The following ADAMTS19 variants were observed in gnomAD, a reference collection of about 807,000 sequenced individuals.
ADAMTS19 encodes the protein ADAM metallopeptidase with thrombospondin type 1 motif 19, also known as A disintegrin and metalloproteinase with thrombospondin motifs 19.
ADAMTS19 carries 93 observed loss-of-function variants against 153.3 expected under a neutral mutation model. The observed-to-expected ratio is 0.61, with a 90% CI of 0.51 to 0.72. The LOEUF is 0.72. Ranked by LOEUF, ADAMTS19 falls within the 30% of genes least tolerant of loss-of-function variation. ADAMTS19 has a pLI of 0.00. For synonymous variants in ADAMTS19, 600 were observed against 556.6 expected, an observed-to-expected ratio of 1.08 and a Z score of -1.10; for missense variants, 1,482 against 1,552.1, an observed-to-expected ratio of 0.95 and a Z score of 0.76.
At chr5:129,656,037 A>G (rs1291556009) in intron 14 of ADAMTS19, among the ~76,000 whole-genome samples, 2 of 152,190 alleles carry the variant, frequency 1.3e-5, no homozygotes, top group Non-Finnish European at 2.9e-5. Context: ...AGATTATTGT[A>G]TGTCTTAAAT....
chr5:129,660,198 T>C (rs914820729), intron 15 of ADAMTS19, among the ~76,000 whole-genome samples: 68 of 152,098 alleles, frequency 4.5e-4, no homozygotes, highest in African/African-American at 1.5e-3. Context: ...CTATGGTAAA[T>C]TGCAGATCAA....
At chr5:129,689,611 G>GACTGTATTTTGTAATTTT (rs1278426789) in intron 18 of ADAMTS19, among the ~76,000 whole-genome samples, 2 of 151,976 alleles carry the variant, frequency 1.3e-5, no homozygotes, top group East Asian at 3.9e-4. Flanking sequence ...ATTTTTAGTA[G>GACTGTATTTTGTAATTTT]AGACTGGGTT....
intron 3 of ADAMTS19, among the ~76,000 whole-genome samples, chr5:129,515,283 G>T (rs1751561738): frequency 6.6e-6 from 1 of 151,696 alleles, no homozygotes; most frequent in South Asian, 2.1e-4. Context: ...GTCTTTTAGT[G>T]ATTCCATATA....
intron 2 of ADAMTS19, among the ~76,000 whole-genome samples, chr5:129,483,700 C>T (rs1379826456): frequency 1.3e-5 from 2 of 152,254 alleles, no homozygotes; most frequent in East Asian, 3.9e-4. Flanking sequence ...ATATGGATTA[C>T]ATTATGGGTA....
intron 10 of ADAMTS19, among the ~76,000 whole-genome samples, chr5:129,624,515 GTCAC>G (rs1751936068): frequency 6.6e-6 from 1 of 152,152 alleles, no homozygotes; most frequent in Non-Finnish European, 1.5e-5. Context: ...TGTGGTCACT[GTCAC>G]TGGAGCATTG....
At chr5:129,682,936 T>G (rs1188817857) in intron 17 of ADAMTS19, among the ~76,000 whole-genome samples, 3 of 152,214 alleles carry the variant, frequency 2.0e-5, no homozygotes, top group South Asian at 2.1e-4. Context: ...TTCAGACACT[T>G]AAACCTAGGC....
At chr5:129,714,716 G>A (rs575064053) in intron 21 of ADAMTS19, among the ~76,000 whole-genome samples, 1 of 152,156 alleles carries the variant, frequency 6.6e-6, no homozygotes, top group South Asian at 2.1e-4. Flanking sequence ...CAACTTGATA[G>A]GTGGAAAAAA....
At chr5:129,549,230 T>A (rs1752977905) in intron 6 of ADAMTS19, among the ~76,000 whole-genome samples, 1 of 150,624 alleles carries the variant, frequency 6.6e-6, no homozygotes, top group Admixed American at 6.6e-5. Flanking sequence ...TATAACTTGG[T>A]AAATAGAAAT....
chr5:129,543,223 G>A (rs913092912), intron 6 of ADAMTS19, among the ~76,000 whole-genome samples: 3 of 151,606 alleles, frequency 2.0e-5, no homozygotes, highest in African/African-American at 7.3e-5. Context: ...CTAATTTTTT[G>A]TATTTTTTTT....
rs1209041581 is a variant in ADAMTS19, at chr5:129,737,172, A to G, written c.3596A>G (p.Glu1199Gly). The G allele has an allele frequency of 1.9e-6, 3 of 1,610,108 alleles. No individual in the cohort carries two copies. In the Admixed American group the frequency reaches 5.0e-5, roughly 27 times the overall value. Residue 1199 changes from glutamate to glycine, a missense_variant, in exon 23 of 23, where the codon GAA becomes GGA. Physicochemically the swap from Glu to Gly is moderately conservative, Grantham distance 98. This residue lies in a region of ADAMTS19 where 616 missense variants were observed against 724.4 expected (regional missense o/e 0.85). Transcript: ENST00000274487. ...ATGCGGTGGTATCAGCGCTGCTGTG[A>G]AACATGCAGGGACTTCTATGCCCAA... ...QDMRWYQRCCETCRDFYAQKL... is the reference protein window; with the variant it reads ...QDMRWYQRCCGTCRDFYAQKL...
chr5:129,728,506 G>A (rs1167643533), intron 21 of ADAMTS19, among the ~76,000 whole-genome samples: 3 of 152,012 alleles, frequency 2.0e-5, no homozygotes, highest in Non-Finnish European at 4.4e-5. Flanking sequence ...TCACTTTAAG[G>A]ACTCACCCTG....
At chr5:129,708,652 T>C (rs1049273325) in intron 21 of ADAMTS19, among the ~76,000 whole-genome samples, 10 of 151,120 alleles carry the variant, frequency 6.6e-5, no homozygotes, top group African/African-American at 7.3e-5. Context: ...AGGATCTGAT[T>C]ATTTATGAAG....
chr5:129,528,352 T>G (rs1237500242), intron 5 of ADAMTS19, among the ~76,000 whole-genome samples, 168 bp from the exon 6 acceptor site: 1 of 152,022 alleles, frequency 6.6e-6, no homozygotes, highest in Admixed American at 6.6e-5. Context: ...GTTTTAAGCT[T>G]TTAAGCTCAG....
intron 6 of ADAMTS19, among the ~76,000 whole-genome samples, chr5:129,539,715 A>G (rs775153019): frequency 1.3e-5 from 2 of 152,152 alleles, no homozygotes; most frequent in Non-Finnish European, 2.9e-5. Flanking sequence ...ATATGTTTAT[A>G]TATGGTTGTA....
Position 129,684,144 on chromosome 5 carries a change from T to C in ADAMTS19, c.2689T>C (p.Tyr897His). Residue 897 changes from tyrosine to histidine, a missense_variant, in exon 18 of 23, where the codon TAT (tyrosine) becomes CAT (histidine). Physicochemically the swap from Tyr to His is moderately conservative, Grantham distance 83. Coordinates refer to ENST00000274487, the MANE Select transcript of ADAMTS19 (RefSeq NM_133638.6). ...GGTGCTCCTGTTTCAGGATCAGAAT[T>C]ATGGTCTTCACTATGAATACACTAT... ...LLVLLFQDQN[Y>H]GLHYEYTIPS... The C allele has an allele frequency of 1.2e-6, 2 of 1,614,060 alleles. No homozygotes were observed. The highest frequency in any genetic ancestry group is 1.7e-6 in the Non-Finnish European group (2 of 1,179,986).
chr5:129,507,340 C>A (rs1395227863), intron 2 of ADAMTS19, among the ~76,000 whole-genome samples: 3 of 151,966 alleles, frequency 2.0e-5, no homozygotes, highest in Non-Finnish European at 2.9e-5. Context: ...ACCACCTATT[C>A]TCAATTTATG....
At chr5:129,612,963 G>C (rs192790255) in intron 8 of ADAMTS19, among the ~76,000 whole-genome samples, 49 of 152,218 alleles carry the variant, frequency 3.2e-4, no homozygotes, top group African/African-American at 1.2e-3. Context: ...ATGGTAAAGG[G>C]ATCAATTGAA....
intron 2 of ADAMTS19, among the ~76,000 whole-genome samples, chr5:129,496,526 G>C (rs1285246460): frequency 1.3e-5 from 2 of 152,000 alleles, no homozygotes; most frequent in African/African-American, 4.8e-5. Flanking sequence ...TTGTTTCCAT[G>C]GTAAAATGAA....
chr5:129,713,312 G>A (rs1756565308), intron 21 of ADAMTS19, among the ~76,000 whole-genome samples: 1 of 152,070 alleles, frequency 6.6e-6, no homozygotes, highest in Non-Finnish European at 1.5e-5. Flanking sequence ...ACTTAGATAT[G>A]GTGAAATATG....
Sources: allele counts gnomAD v4.1 joint callset (sites outside exome capture counted in the v4.1 genomes callset), GRCh38; gene constraint gnomAD v4.1.1; regional missense constraint gnomAD v4.1.1; transcripts MANE v1.5; gene names NCBI Gene and HGNC (gene_info 2026-07-23, HGNC 2026-07-21).